The following IPO11 variants were observed in gnomAD, a reference collection of about 807,000 sequenced individuals.
The protein encoded by IPO11 is importin-11.
A neutral mutation model predicts 143.2 loss-of-function variants in IPO11; 66 were observed. The observed-to-expected ratio is 0.46, with a 90% CI of 0.38 to 0.57. IPO11 has a LOEUF of 0.57. Among genes scored for constraint, IPO11 ranks in the 20% least tolerant of loss-of-function variants. The pLI is 0.00. For missense variants in IPO11, 1,026 were observed against 1,141.0 expected, an observed-to-expected ratio of 0.90 and a Z score of 1.45; for synonymous variants, 385 against 377.8, an observed-to-expected ratio of 1.02 and a Z score of -0.22.
intron 1 of IPO11, chr5:62,413,258 G>A (rs1314230778): frequency 2.0e-5 from 3 of 152,316 alleles, no homozygotes; most frequent in African/African-American, 7.2e-5. Context: ...GCCCTTGGGG[G>A]ATAGGTGGTG....
intron 27 of IPO11, among the ~76,000 whole-genome samples, chr5:62,570,725 C>G (rs1353663822): frequency 2.0e-5 from 3 of 152,152 alleles, no homozygotes; most frequent in Non-Finnish European, 2.9e-5. Context: ...GAACAGTGCC[C>G]TGTCTGCAAA....
chr5:62,509,613 T>A (rs1271429801), intron 19 of IPO11, among the ~76,000 whole-genome samples: 1 of 152,226 alleles, frequency 6.6e-6, no homozygotes, highest in African/African-American at 2.4e-5. Context: ...ATTCATCTTG[T>A]TTACCTGAAA....
chr5:62,612,310 G>GGGGT (rs1051233020), intron 29 of IPO11, among the ~76,000 whole-genome samples: 3 of 152,112 alleles, frequency 2.0e-5, no homozygotes, highest in African/African-American at 7.2e-5. Context: ...ACAGAGAATG[G>GGGGT]GGGTCTATTG....
intron 19 of IPO11, among the ~76,000 whole-genome samples, chr5:62,511,735 TC>T (rs1276613693): frequency 1.3e-5 from 2 of 152,242 alleles, no homozygotes; most frequent in Non-Finnish European, 2.9e-5. Flanking sequence ...TGTTATTTCA[TC>T]CCCAAGGATA....
chr5:62,578,808 A>G, intron 27 of IPO11: 1 of 433,900 alleles, frequency 2.3e-6, no homozygotes, highest in Non-Finnish European at 4.6e-6. Flanking sequence ...AAAAAAAAAA[A>G]AAGTGGTGGG....
At chr5:62,589,332 G>A (rs765040477) in intron 27 of IPO11, among the ~76,000 whole-genome samples, 1 of 152,022 alleles carries the variant, frequency 6.6e-6, no homozygotes, top group Non-Finnish European at 1.5e-5. Context: ...GGTGATGTTG[G>A]TCACCCTCTC....
intron 1 of IPO11, among the ~76,000 whole-genome samples, chr5:62,433,473 T>G (rs572276663): frequency 4.6e-5 from 7 of 152,328 alleles, no homozygotes; most frequent in Admixed American, 1.3e-4. Context: ...AACGTACTTT[T>G]CACAATTTGT....
chr5:62,544,775 G>A (rs1743096230), intron 24 of IPO11, among the ~76,000 whole-genome samples: 2 of 152,074 alleles, frequency 1.3e-5, no homozygotes, highest in African/African-American at 2.4e-5. Context: ...AAATCAATAT[G>A]CAAAAATCAC....
chr5:62,476,830 A>G, intron 9 of IPO11, 77 bp downstream of exon 9: 1 of 1,360,218 alleles, frequency 7.4e-7, no homozygotes, highest in East Asian at 2.7e-5. Context: ...TATTTTTATA[A>G]CCATACATTT....
At chr5:62,572,397 C>T (rs1744158960) in intron 27 of IPO11, among the ~76,000 whole-genome samples, 2 of 152,066 alleles carry the variant, frequency 1.3e-5, no homozygotes, top group South Asian at 4.1e-4. Context: ...AGATACTTAT[C>T]CGGAAGAGAT....
intron 29 of IPO11, among the ~76,000 whole-genome samples, chr5:62,615,038 G>A (rs1249627404): frequency 6.6e-6 from 1 of 152,108 alleles, no homozygotes; most frequent in Non-Finnish European, 1.5e-5. Context: ...CTTCCCTGCT[G>A]TGCCATTCTG....
At chr5:62,504,208 A>G (rs970097417) in intron 16 of IPO11, among the ~76,000 whole-genome samples, 5 of 152,168 alleles carry the variant, frequency 3.3e-5, no homozygotes, top group Non-Finnish European at 7.4e-5. Context: ...GGGATATTTC[A>G]AAGATTTACT....
chr5:62,448,606 A>G (rs1449366444), intron 3 of IPO11, among the ~76,000 whole-genome samples: 1 of 152,202 alleles, frequency 6.6e-6, no homozygotes, highest in Non-Finnish European at 1.5e-5. Context: ...GCTGGAATGC[A>G]GTGGCACAAT....
chr5:62,542,856 A>T (rs1054005315), intron 24 of IPO11, among the ~76,000 whole-genome samples: 2 of 152,202 alleles, frequency 1.3e-5, no homozygotes, highest in Admixed American at 6.5e-5. Flanking sequence ...ATATTAAGCA[A>T]TGTTAAGCCA....
chr5:62,503,756 G>A (rs1741442071), intron 16 of IPO11, among the ~76,000 whole-genome samples: 1 of 152,154 alleles, frequency 6.6e-6, no homozygotes, highest in Admixed American at 6.5e-5. Flanking sequence ...GGATTTGGCA[G>A]TAGAGTATTT....
At chr5:62,542,619 G>A (rs1287333714) in intron 24 of IPO11, among the ~76,000 whole-genome samples, 3 of 152,138 alleles carry the variant, frequency 2.0e-5, no homozygotes, top group Non-Finnish European at 2.9e-5. Context: ...CTTTGAAGCA[G>A]AAAGTTACAA....
At chr5:62,617,444 A>G (rs899106590) in intron 29 of IPO11, among the ~76,000 whole-genome samples, 1 of 152,218 alleles carries the variant, frequency 6.6e-6, no homozygotes, top group African/African-American at 2.4e-5. Flanking sequence ...GAGGGAAGTA[A>G]TAGAATTAAA....
intron 24 of IPO11, among the ~76,000 whole-genome samples, chr5:62,542,312 A>G (rs1742985606): frequency 6.6e-6 from 1 of 152,096 alleles, no homozygotes. Context: ...GTTAAATCCT[A>G]AATATGTTCA....
chr5:62,598,474 C>T (rs1275620903), intron 28 of IPO11, among the ~76,000 whole-genome samples: 9 of 4,446 alleles, frequency 2.0e-3, no homozygotes, highest in Non-Finnish European at 2.4e-3. Flanking sequence ...CTCTCTCTCT[C>T]TCTCTCTCTC....
Sources: allele counts gnomAD v4.1 joint callset (sites outside exome capture counted in the v4.1 genomes callset), GRCh38; gene constraint gnomAD v4.1.1; transcripts MANE v1.5; gene names NCBI Gene and HGNC (gene_info 2026-07-23, HGNC 2026-07-21).